The following GCFC2 variants were observed in gnomAD, a reference collection of about 807,000 sequenced individuals.
GCFC2 encodes the protein intron Large complex component GCFC2.
In GCFC2, 102 loss-of-function variants were observed where a neutral mutation model predicts 99.4. The ratio of observed to expected loss-of-function variants is 1.03; its 90% CI spans 0.87 to 1.21. The LOEUF is 1.21. Among genes scored for constraint, GCFC2 ranks in the 50% most tolerant of loss-of-function variants. The pLI, the probability that GCFC2 is intolerant of heterozygous loss-of-function variation, is 0.00. For missense variants in GCFC2, 973 were observed against 920.9 expected (o/e 1.06, Z -0.73); for synonymous variants, 338 against 316.8 (o/e 1.07, Z -0.71).
chr2:75,710,602 T>A lies in GCFC2; in HGVS notation c.254A>T (p.Asp85Val), dbSNP rs1681110101. The change falls in exon 1 of 17, where the codon GAC (aspartate) becomes GTC (valine). Residue 85 changes from aspartate to valine, a missense_variant. Physicochemically the swap from Asp to Val is radical, Grantham distance 152. Coordinates refer to ENST00000321027, the MANE Select transcript of GCFC2 (RefSeq NM_003203.5). ...GTCTCCCTGGACACCTGAGCCTTCG[T>A]CCGCGCGGGGAGCCGCTTTGGTGGC... The part of the protein sequence containing the change: ...RRATKAAPRA[D>V]EGSESRTLDV... The A allele has an allele frequency of 6.6e-7, 1 of 1,514,432 alleles. No homozygotes were observed. The highest frequency in any genetic ancestry group is 8.8e-7 in the Non-Finnish European group (1 of 1,138,316). 93.8% of individuals were successfully genotyped at this position (1,514,432 alleles called of 1,614,324 possible).
chr2:75,698,916 G>A (rs1043812968), intron 4 of GCFC2, among the ~76,000 whole-genome samples: 5 of 151,702 alleles, frequency 3.3e-5, no homozygotes, highest in Admixed American at 2.0e-4. Context: ...GGAAGCTGAG[G>A]CATGAGAATT....
intron 2 of GCFC2, among the ~76,000 whole-genome samples, chr2:75,705,072 A>G (rs1202079916): frequency 6.6e-6 from 1 of 152,236 alleles, no homozygotes; most frequent in African/African-American, 2.4e-5. Context: ...CGCTATAGCC[A>G]CATTTCAAGA....
upstream of GCFC2, chr2:75,711,239 T>A (rs2104447672): frequency 1.0e-6 from 1 of 984,660 alleles, no homozygotes; most frequent in East Asian, 1.1e-4. Flanking sequence ...AGATCCGTTG[T>A]CTTTTACTTT....
chr2:75,685,753 CCTTT>C (rs774908300), intron 11 of GCFC2, among the ~76,000 whole-genome samples: 32,538 of 152,072 alleles, frequency 0.21, 5,263 homozygotes, highest in African/African-American at 0.47. Context: ...TGGACCTCCC[CCTTT>C]AAGACTCATG....
Position 75,680,227 on chromosome 2 carries a change from G to A in GCFC2, c.1778C>T (p.Ser593Phe), listed in dbSNP as rs770117961. 2.3e-5 allele frequency: 37 copies of A among 1,605,770 alleles called. 1 individual carries two copies. The South Asian group carries it at 4.0e-4, about 17-fold the overall frequency. The change falls in exon 12 of 17, where the codon TCC (serine) becomes TTC (phenylalanine). Residue 593 changes from serine to phenylalanine, a missense_variant. Transcript: ENST00000321027. ...THCRVILEEH[S>F]TCENEVSKSR... ...TTTACTAACTTCATTTTCACAAGTG[G>A]AATGTTCTTCAAGAATCACTCTGCA...
intron 12 of GCFC2, among the ~76,000 whole-genome samples, chr2:75,676,218 C>T (rs1038548904): frequency 6.6e-6 from 1 of 152,196 alleles, no homozygotes; most frequent in Non-Finnish European, 1.5e-5. Context: ...GATGTTTAGA[C>T]TTATTTTCAC....
At chr2:75,698,279 G>A (rs1420399496) in intron 4 of GCFC2, among the ~76,000 whole-genome samples, 2 of 152,012 alleles carry the variant, frequency 1.3e-5, no homozygotes, top group African/African-American at 2.4e-5. Context: ...TGTTCATCTC[G>A]ATTAGTAATA....
At chr2:75,707,967 T>A (rs944621889) in intron 1 of GCFC2, among the ~76,000 whole-genome samples, 2 of 152,254 alleles carry the variant, frequency 1.3e-5, no homozygotes, top group African/African-American at 2.4e-5. Context: ...ACATGTTTAA[T>A]ATTCTTTGTG....
At chr2:75,709,920 T>C (rs6719484) in intron 1 of GCFC2, among the ~76,000 whole-genome samples, 11,399 of 152,228 alleles carry the variant, frequency 0.075, 1,378 homozygotes, top group African/African-American at 0.26. Flanking sequence ...TAAGCTACAA[T>C]TCCAACTCAG....
In GCFC2 at chr2:75,694,375, AT is replaced by A; in HGVS notation, c.885del (p.Lys295AsnfsTer16). On this transcript the variant is annotated frameshift_variant, in exon 6 of 17. Transcript: ENST00000321027. LOFTEE classifies it high-confidence loss of function. ...TTTGAGCTTTTGACATCTTGTACGT[AT>A]TTTTCATACTCCCTCAGGTGTGAGC... is the stretch of plus-strand genomic sequence containing the variant. ...THRSHLREYE[K>X]YVQDVKSSKS... The A allele has an allele frequency of 6.5e-7, 1 of 1,535,084 alleles. No individual in the cohort carries two copies. Among genetic ancestry groups the A allele is most frequent in the Non-Finnish European group, 8.9e-7 (1 of 1,126,352 alleles).
intron 1 of GCFC2, among the ~76,000 whole-genome samples, chr2:75,708,191 A>G (rs1197256269): frequency 2.0e-5 from 3 of 152,192 alleles, no homozygotes; most frequent in Non-Finnish European, 2.9e-5. Flanking sequence ...GGTTGTGCCT[A>G]TCAATAAAAT....
At chr2:75,701,943 AT>A (rs1276239486) in intron 3 of GCFC2, 191 of 1,230,874 alleles carry the variant, frequency 1.6e-4, no homozygotes, top group East Asian at 4.3e-4. Flanking sequence ...GATACTGCAC[AT>A]TTTTTTTAAC....
At position 75,706,515 on chromosome 2, in the gene GCFC2, T is replaced by C. The variant is rs1238859423; in HGVS notation, c.394+8A>G. The C allele has an allele frequency of 6.4e-7, 1 of 1,560,034 alleles. No homozygotes were observed. The highest frequency in any genetic ancestry group is 2.2e-5 in the East Asian group (1 of 44,502). ...AAATTCTTAACCAAAATCATACAAA[T>C]TACTAACCTGTTGATGAAAGTTCTT... On this transcript the variant is annotated splice_region_variant and intron_variant, in intron 2 of 16. Coordinates refer to ENST00000321027, the MANE Select transcript of GCFC2 (RefSeq NM_003203.5).
rs373398909 is a variant in GCFC2 at position 75,702,441 on chromosome 2, G to C, written c.395-18C>G. ...GATCTTAACTGAAGGAAACAAAGAC[G>C]AGGACACTAAAAACCAAAGACCAAT... On this transcript the variant is annotated intron_variant, in intron 2 of 16. Transcript: ENST00000321027. 2 of 1,599,662 alleles carry C rather than the reference G, an allele frequency of 1.3e-6. No homozygotes were observed. The highest frequency in any genetic ancestry group is 2.2e-5 in the East Asian group (1 of 44,706).
chr2:75,671,057 C>G (rs1336041343), intron 14 of GCFC2, among the ~76,000 whole-genome samples: 2 of 152,156 alleles, frequency 1.3e-5, no homozygotes, highest in African/African-American at 4.8e-5. Context: ...ATCCAATAAA[C>G]AGTGTTTCAG....
At chr2:75,712,591 G>C (rs555287917), upstream of GCFC2, among the ~76,000 whole-genome samples, 33 of 152,234 alleles carry the variant, frequency 2.2e-4, no homozygotes, top group African/African-American at 7.5e-4. Flanking sequence ...CCCTTCCACA[G>C]TGTGGAAGCT....
In GCFC2 at chr2:75,663,868, C is replaced by T. The variant is rs1678715179; in HGVS notation, c.*798G>A. The stretch of plus-strand genomic sequence containing the variant: ...GAGCCAGACCCTGTCTCAAAAAATA[C>T]AATTAAAAAAAAAATAAAAGAAAAA... On this transcript the variant is annotated 3_prime_UTR_variant, in exon 17 of 17. Transcript: ENST00000321027. 1 of 147,620 alleles carries T rather than the reference C, an allele frequency of 6.8e-6. No homozygotes were observed. The highest frequency in any genetic ancestry group is 2.5e-5 in the African/African-American group (1 of 39,304). The allele number at this position is 147,620 out of a possible 1,614,324, so 9.1% of individuals were successfully genotyped here.
Position 75,702,244 on chromosome 2 carries a change from T to C in GCFC2, c.574A>G (p.Thr192Ala). The C allele has an allele frequency of 6.2e-7, 1 of 1,610,594 alleles. No homozygotes were observed. Among genetic ancestry groups the C allele is most frequent in the Non-Finnish European group, 8.5e-7 (1 of 1,176,786 alleles). The change falls in exon 3 of 17, where the codon ACT becomes GCT. Residue 192 changes from threonine to alanine, a missense_variant. Physicochemically the swap from Thr to Ala is moderately conservative, Grantham distance 58. Coordinates refer to ENST00000321027, the MANE Select transcript of GCFC2 (RefSeq NM_003203.5). ...PDDHEKRIPF[T>A]LRPQTLRQRM... is the part of the protein sequence containing the mutation. ...TGTCTAAGTGTTTGAGGTCTTAGAG[T>C]AAATGGTATTCTCTTTTCATGGTCA...
intron 11 of GCFC2, among the ~76,000 whole-genome samples, chr2:75,684,947 C>T (rs935172372): frequency 3.3e-5 from 5 of 152,144 alleles, no homozygotes; most frequent in Non-Finnish European, 7.4e-5. Context: ...TCATTCTCAG[C>T]AAACTAACAC....
Sources: allele counts gnomAD v4.1 joint callset (sites outside exome capture counted in the v4.1 genomes callset), GRCh38; gene constraint gnomAD v4.1.1; transcripts MANE v1.5; gene names NCBI Gene and HGNC (gene_info 2026-07-23, HGNC 2026-07-21).